The following ADH5 variants were observed in gnomAD, a reference collection of about 807,000 sequenced individuals.
ADH5 encodes the protein alcohol dehydrogenase class-3.
A neutral mutation model predicts 40.3 loss-of-function variants in ADH5; 32 were observed. That is an observed-to-expected ratio of 0.79 (90% CI 0.60 to 1.07). The LOEUF (loss-of-function observed/expected upper bound fraction) is 1.07, where lower values mean the gene tolerates loss of function less well. ADH5 is among the 50% of genes least tolerant of loss of function. ADH5 has a pLI of 0.00. For missense variants in ADH5, 353 were observed against 460.5 expected (o/e 0.77, Z 2.14); for synonymous variants, 125 against 154.3 (o/e 0.81, Z 1.41).
At chr4:99,082,259 T>C in intron 2 of ADH5, 143 bp from the exon 3 acceptor site, 1 of 949,312 alleles carries the variant, frequency 1.1e-6, no homozygotes, top group Non-Finnish European at 1.5e-6. Flanking sequence ...CTCTCTAAAA[T>C]CAGCATGTGC....
intron 1 of ADH5, among the ~76,000 whole-genome samples, chr4:99,086,792 T>C (rs1359941181): frequency 6.8e-6 from 1 of 147,476 alleles, no homozygotes; most frequent in Admixed American, 6.7e-5. Context: ...TACAAAAAAT[T>C]AGCCAGGGGA....
At position 99,075,205 on chromosome 4, in the gene ADH5, A is replaced by G. The variant is rs28730626; in HGVS notation, c.826-156T>C. ...TGAGCTCAATGTTATTGAACAATTTATATTTTAATTTTTTTTGTTGTTTTT... is the reference window on the plus strand; with the variant it reads ...TGAGCTCAATGTTATTGAACAATTTGTATTTTAATTTTTTTTGTTGTTTTT... On this transcript the variant is annotated intron_variant, in intron 6 of 8. Coordinates refer to ENST00000296412, the MANE Select transcript of ADH5 (RefSeq NM_000671.4). 1,321 of 537,516 alleles carry G rather than the reference A, an allele frequency of 2.5e-3. 16 individuals carry two copies. The Admixed American group carries it at 0.028, about 11-fold the overall frequency. 33.3% of individuals were successfully genotyped at this position (537,516 alleles called of 1,614,324 possible).
intron 2 of ADH5, among the ~76,000 whole-genome samples, chr4:99,084,000 C>T (rs756680115): frequency 2.6e-5 from 4 of 152,112 alleles, no homozygotes; most frequent in Non-Finnish European, 4.4e-5. Context: ...TACCCTTGTC[C>T]GCCAGGGTGG....
At chr4:99,072,531 A>G (rs1237092197) in intron 8 of ADH5, 42 bp downstream of exon 8, 3 of 1,609,374 alleles carry the variant, frequency 1.9e-6, no homozygotes, top group African/African-American at 1.3e-5. Context: ...CTCAAACTCA[A>G]CATCATTATT....
rs1181904468 is a variant in ADH5 at position 99,075,015 on chromosome 4, C to A, written c.860G>T (p.Gly287Val). Reference protein sequence around the residue: ...AALEACHKGWGVSVVVGVAAS... With the variant: ...AALEACHKGWVVSVVVGVAAS... Reference sequence around the variant, plus strand: ...AGCTACTCCAACCACGACGCTGACGCCCCAGCCCTTGTGACATGCCTCAAG... The same window carrying A: ...AGCTACTCCAACCACGACGCTGACGACCCAGCCCTTGTGACATGCCTCAAG... Residue 287 changes from glycine to valine, a missense_variant, in exon 7 of 9, where the codon GGC becomes GTC. Gly to Val is a moderately radical substitution (Grantham distance 109). Coordinates refer to ENST00000296412, the MANE Select transcript of ADH5 (RefSeq NM_000671.4). 4 of 1,612,688 alleles carry A rather than the reference C, an allele frequency of 2.5e-6. No homozygotes were observed. The highest frequency in any genetic ancestry group is 1.7e-5 in the Admixed American group (1 of 59,956).
intron 4 of ADH5, chr4:99,079,983 CTCTTT>C (rs1485810966): frequency 2.2e-6 from 1 of 455,068 alleles, no homozygotes; most frequent in African/African-American, 2.0e-5. Flanking sequence ...CCTTTAGTTT[CTCTTT>C]TATCTGTAAG....
intron 2 of ADH5, among the ~76,000 whole-genome samples, chr4:99,083,510 G>A (rs28730586): frequency 7.1e-6 from 1 of 140,234 alleles, no homozygotes; most frequent in African/African-American, 2.6e-5. Flanking sequence ...CGAAGCAGGA[G>A]AATTGCTTGA....
chr4:99,075,004 C>T lies in ADH5; in HGVS notation c.871G>A (p.Val291Met), dbSNP rs756141527. Residue 291 changes from valine (V) to methionine (M), a missense_variant, in exon 7 of 9, where the codon GTG becomes ATG. Transcript: ENST00000296412. The part of the protein sequence containing the change: ...ACHKGWGVSV[V>M]VGVAASGEEI... ...TCACCTGAAGCAGCTACTCCAACCA[C>T]GACGCTGACGCCCCAGCCCTTGTGA... 5.6e-6 allele frequency: 9 copies of T among 1,613,084 alleles called. No homozygotes were observed. The highest frequency in any genetic ancestry group is 1.1e-5 in the South Asian group (1 of 90,966).
intron 7 of ADH5, among the ~76,000 whole-genome samples, chr4:99,074,262 T>C (rs950057572): frequency 1.3e-5 from 2 of 152,174 alleles, no homozygotes; most frequent in Admixed American, 1.3e-4. Context: ...TTCACAACTG[T>C]TGGGAAATAC....
intron 2 of ADH5, among the ~76,000 whole-genome samples, chr4:99,082,398 G>C (rs2110462807): frequency 6.6e-6 from 1 of 152,286 alleles, no homozygotes; most frequent in East Asian, 1.9e-4. Flanking sequence ...GTTAGCAAGA[G>C]AAGGTAAACA....
chr4:99,075,222 G>GT, intron 6 of ADH5, 173 bp from the exon 7 acceptor site: 2 of 404,536 alleles, frequency 4.9e-6, no homozygotes, highest in African/African-American at 2.7e-5. Flanking sequence ...AATTTTTTTT[G>GT]TTGTTTTTTT....
chr4:99,080,054 A>G (rs1200240697), intron 4 of ADH5: 1 of 439,792 alleles, frequency 2.3e-6, no homozygotes, highest in Non-Finnish European at 4.5e-6. Flanking sequence ...ATACAATGGT[A>G]CACAGTACTG....
chr4:99,076,516 C>G lies in ADH5; in HGVS notation c.601G>C (p.Gly201Arg). ...PGSVCAVFGLGGVGLAVIMGC... is the reference protein window; with the variant it reads ...PGSVCAVFGLRGVGLAVIMGC... Reference sequence around the variant, plus strand: ...ATGATAACTGCCAATCCGACTCCTCCCAGACCAAAGACGGCACAAACAGAG... The same window carrying G: ...ATGATAACTGCCAATCCGACTCCTCGCAGACCAAAGACGGCACAAACAGAG... Residue 201 changes from glycine (G) to arginine (R), a missense_variant, in exon 6 of 9, where the codon GGA (glycine) becomes CGA (arginine). Gly to Arg is a moderately radical substitution (Grantham distance 125). Transcript: ENST00000296412. 1 of 1,614,054 alleles carries G rather than the reference C, an allele frequency of 6.2e-7. No homozygotes were observed. Among genetic ancestry groups the G allele is most frequent in the Non-Finnish European group, 8.5e-7 (1 of 1,179,948 alleles).
intron 4 of ADH5, among the ~76,000 whole-genome samples, chr4:99,078,503 G>C (rs753456504): frequency 6.6e-6 from 1 of 152,052 alleles, no homozygotes; most frequent in South Asian, 2.1e-4. Flanking sequence ...TCCAGGGCTC[G>C]TGATCCTCCC....
At chr4:99,088,783 AGCGAGGGGGGCGGG>A in exon 1 of ADH5, 1 of 357,536 alleles carries the variant, frequency 2.8e-6, no homozygotes, top group Non-Finnish European at 4.5e-6. Flanking sequence ...GCGAGCGCCT[AGCGAGGGGGGCGGG>A]GCGTGGGGGG....
intron 2 of ADH5, among the ~76,000 whole-genome samples, chr4:99,082,597 G>A (rs1338063117): frequency 6.6e-6 from 1 of 152,158 alleles, no homozygotes; most frequent in African/African-American, 2.4e-5. Flanking sequence ...ACTTTCAGAG[G>A]AACCAACTCC....
In ADH5 at chr4:99,076,545, G is replaced by A. The variant is rs1727935869; in HGVS notation, c.572C>T (p.Pro191Leu). 9 of 1,613,372 alleles carry A rather than the reference G, an allele frequency of 5.6e-6. No individual in the cohort carries two copies. The East Asian group carries it at 1.6e-4, about 28-fold the overall frequency. Reference protein sequence around the residue: ...GAAVNTAKLEPGSVCAVFGLG... With the variant: ...GAAVNTAKLELGSVCAVFGLG... ...ACCAAAGACGGCACAAACAGAGCCAGGCTCCAACTAGGAGTAAAGAAAGTT... is the reference window on the plus strand; with the variant it reads ...ACCAAAGACGGCACAAACAGAGCCAAGCTCCAACTAGGAGTAAAGAAAGTT... Residue 191 changes from proline (P) to leucine (L), a missense_variant, in exon 6 of 9, where the codon CCT becomes CTT. Pro to Leu is a moderately conservative substitution (Grantham distance 98). Coordinates refer to ENST00000296412, the MANE Select transcript of ADH5 (RefSeq NM_000671.4).
At chr4:99,082,824 G>A (rs1158633210) in intron 2 of ADH5, among the ~76,000 whole-genome samples, 2 of 152,050 alleles carry the variant, frequency 1.3e-5, no homozygotes, top group African/African-American at 4.8e-5. Flanking sequence ...CTGCAGGCGC[G>A]TACCACCAGG....
chr4:99,072,442 C>T lies in ADH5; in HGVS notation c.1101-1G>A. Reference sequence around the variant, plus strand: ...TTAAATCTTTACAACAGTTCGAATGCTGTAAAAGGAAGCAACATACTAAGT... The same window carrying T: ...TTAAATCTTTACAACAGTTCGAATGTTGTAAAAGGAAGCAACATACTAAGT... On this transcript the variant is annotated splice_acceptor_variant, in intron 8 of 8. Transcript: ENST00000296412. LOFTEE classifies it high-confidence loss of function. The T allele has an allele frequency of 6.2e-7, 1 of 1,613,260 alleles. No individual in the cohort carries two copies. The highest frequency in any genetic ancestry group is 8.5e-7 in the Non-Finnish European group (1 of 1,179,446).
Sources: gnomAD v4.1 joint callset for allele counts (sites outside exome capture counted in the v4.1 genomes callset) on GRCh38, gnomAD v4.1.1 for gene constraint, MANE v1.5 for transcripts, NCBI Gene and HGNC (gene_info 2026-07-23, HGNC 2026-07-21) for gene names.